The following ELMOD3 variants were observed in gnomAD, a reference collection of about 807,000 sequenced individuals.
ELMOD3 encodes ELMO domain-containing protein 3.
A neutral mutation model predicts 47.4 loss-of-function variants in ELMOD3; 36 were observed. That is an observed-to-expected ratio of 0.76 (90% CI 0.58 to 1.00). ELMOD3 has a LOEUF of 1.00. ELMOD3 is among the 50% of genes least tolerant of loss of function. The probability of loss-of-function intolerance (pLI) is 0.00; values close to 1 mark genes in which losing one functional copy is unlikely to be tolerated. For missense variants in ELMOD3, 404 were observed against 463.8 expected, an observed-to-expected ratio of 0.87 and a Z score of 1.18; for synonymous variants, 149 against 183.5, an observed-to-expected ratio of 0.81 and a Z score of 1.52.
chr2:85,384,599 A>AT (rs1412829637), intron 11 of ELMOD3, among the ~76,000 whole-genome samples: 1 of 151,892 alleles, frequency 6.6e-6, no homozygotes, highest in Non-Finnish European at 1.5e-5. Context: ...TTTTATTTTT[A>AT]TTTTTTAAAA....
chr2:85,366,478 C>T (rs993181270), intron 6 of ELMOD3, among the ~76,000 whole-genome samples: 4 of 152,202 alleles, frequency 2.6e-5, no homozygotes, highest in African/African-American at 9.7e-5. Context: ...ACCCATCTCA[C>T]CCGCTGCCTC....
chr2:85,379,608 T>C (rs1041836856), intron 11 of ELMOD3, among the ~76,000 whole-genome samples: 7 of 152,228 alleles, frequency 4.6e-5, no homozygotes, highest in African/African-American at 1.4e-4. Flanking sequence ...TAGGATCTAA[T>C]GACAGGTGTA....
chr2:85,358,237 C>T (rs1396828895), intron 4 of ELMOD3, among the ~76,000 whole-genome samples: 1 of 149,294 alleles, frequency 6.7e-6, no homozygotes, highest in African/African-American at 2.5e-5. Context: ...TGGGATCACA[C>T]CATTGCACTC....
chr2:85,358,302 A>T (rs900532524), intron 4 of ELMOD3, among the ~76,000 whole-genome samples: 11 of 150,944 alleles, frequency 7.3e-5, no homozygotes, highest in African/African-American at 2.7e-4. Flanking sequence ...AAAAAAAATG[A>T]AAAAAGAAAT....
chr2:85,377,960 T>C (rs979299806), intron 11 of ELMOD3, among the ~76,000 whole-genome samples: 1 of 152,178 alleles, frequency 6.6e-6, no homozygotes, highest in African/African-American at 2.4e-5. Context: ...TAGAACTTTT[T>C]AAAAGAAGCA....
chr2:85,377,666 T>C (rs961367279), intron 11 of ELMOD3, among the ~76,000 whole-genome samples, 192 bp downstream of exon 11: 2 of 152,242 alleles, frequency 1.3e-5, no homozygotes, highest in African/African-American at 2.4e-5. Flanking sequence ...CCTCAGAGCC[T>C]TGATTCCCTC....
intron 6 of ELMOD3, chr2:85,367,561 A>T (rs1278483202): frequency 6.6e-6 from 1 of 152,202 alleles, no homozygotes; most frequent in Non-Finnish European, 1.5e-5. Context: ...GGAAACGAAA[A>T]ATTTAAGTCA....
At position 85,359,403 on chromosome 2, in the gene ELMOD3, C is replaced by CTCTTTT. The variant is rs1683784064; in HGVS notation, c.54+2153_54+2158dup. Among the ~76,000 whole-genome samples, 6 of 123,268 alleles carry CTCTTTT rather than the reference C, an allele frequency of 4.9e-5. No individual in the cohort carries two copies. In the South Asian group the frequency reaches 1.5e-3, roughly 31 times the overall value. 80.9% of individuals were successfully genotyped at this position (123,268 alleles called of 152,430 possible). A position where few individuals can be genotyped will look rare whatever the true frequency, so the allele number is the denominator to read the frequency against. On this transcript the variant is annotated intron_variant, in intron 4 of 13. Transcript: ENST00000409013. ...AATGAAACACAGTAGTTTTACATGA[C>CTCTTTT]TCTTTTTTTTTTTTTTTTTTTTGAG...
intron 10 of ELMOD3, among the ~76,000 whole-genome samples, chr2:85,374,151 C>T (rs1336067633): frequency 6.6e-6 from 1 of 152,004 alleles, no homozygotes; most frequent in African/African-American, 2.4e-5. Flanking sequence ...AATCCACTGT[C>T]ATTTGAATGA....
At chr2:85,357,644 G>A (rs57035326) in intron 4 of ELMOD3, 4,061 of 155,958 alleles carry the variant, frequency 0.026, 177 homozygotes, top group African/African-American at 0.093. Flanking sequence ...AACCCTACAT[G>A]CCTTACCTTT....
chr2:85,363,040 G>A, intron 5 of ELMOD3, 57 bp from the exon 6 acceptor site: 1 of 1,078,798 alleles, frequency 9.3e-7, no homozygotes, highest in East Asian at 2.4e-5. Flanking sequence ...GGAAGCGTTT[G>A]TGTATATGGG....
chr2:85,389,401 A>G (rs1686159062), intron 11 of ELMOD3: 3 of 312,048 alleles, frequency 9.6e-6, no homozygotes, highest in South Asian at 8.3e-5. Context: ...ACACCAGGAG[A>G]TGATGTGGGC....
chr2:85,362,192 AG>A lies in ELMOD3; in HGVS notation c.62del (p.Arg21AsnfsTer27). 1 of 1,591,698 alleles carries A rather than the reference AG, an allele frequency of 6.3e-7. No individual in the cohort carries two copies. Among genetic ancestry groups the A allele is most frequent in the Non-Finnish European group, 8.6e-7 (1 of 1,159,520 alleles). On this transcript the variant is annotated frameshift_variant, in exon 5 of 14. Transcript: ENST00000409013. LOFTEE classifies it high-confidence loss of function. ...ACCCTTGTCTGTTTTACAGGGTGAAAGATTGTCTGCTGGATATTCTCCATCA... is the reference window on the plus strand; with the variant it reads ...ACCCTTGTCTGTTTTACAGGGTGAAAATTGTCTGCTGGATATTCTCCATCA... ...KEELRDGQGE[R>X]LSAGYSPSYD... is the part of the protein sequence containing the mutation.
Position 85,367,862 on chromosome 2 carries a change from G to A in ELMOD3, c.200-824G>A, listed in dbSNP as rs146507797. 8.0e-3 allele frequency among the ~76,000 whole-genome samples: 1,213 copies of A among 152,146 alleles called. 7 individuals carry two copies. Among genetic ancestry groups the A allele is most frequent in the Non-Finnish European group, 0.013 (915 of 67,982 alleles). ...GAGTATGGGTTTTATCTTGAGGACT[G>A]TGGAGAATCCCTGGAGGGTTTTGAG... is the stretch of plus-strand genomic sequence containing the variant. On this transcript the variant is annotated intron_variant, in intron 6 of 13. Coordinates refer to ENST00000409013, the MANE Select transcript of ELMOD3 (RefSeq NM_001135022.2).
intron 11 of ELMOD3, among the ~76,000 whole-genome samples, chr2:85,384,222 T>C (rs1216434973): frequency 6.6e-6 from 1 of 152,250 alleles, no homozygotes; most frequent in Non-Finnish European, 1.5e-5. Flanking sequence ...AGCTTGACAT[T>C]TCCCTTTAGC....
intron 6 of ELMOD3, 86 bp downstream of exon 6, chr2:85,363,252 TCTCA>T (rs2104517978): frequency 1.3e-6 from 1 of 754,918 alleles, no homozygotes; most frequent in East Asian, 2.5e-5. Context: ...TTTGAATTTC[TCTCA>T]CTCCTTGTCT....
intron 11 of ELMOD3, among the ~76,000 whole-genome samples, chr2:85,386,669 G>A (rs1685952168): frequency 6.6e-6 from 1 of 151,956 alleles, no homozygotes; most frequent in African/African-American, 2.4e-5. Context: ...ACAGGAGTGA[G>A]CCACCATGCC....
At chr2:85,375,930 T>C (rs1685140520) in intron 10 of ELMOD3, among the ~76,000 whole-genome samples, 1 of 152,214 alleles carries the variant, frequency 6.6e-6, no homozygotes, top group Admixed American at 6.5e-5. Context: ...TTTCTCTGGC[T>C]CTGGGCTTCC....
Position 85,377,489 on chromosome 2 carries a change from G to C in ELMOD3, c.738+15G>C. 6.2e-7 allele frequency: 1 copy of C among 1,600,246 alleles called. No homozygotes were observed. Among genetic ancestry groups the C allele is most frequent in the Non-Finnish European group, 8.5e-7 (1 of 1,173,252 alleles). ...ACCACATCCAGGTGAGACTTTGGTG[G>C]GAAGCCAGAGGAAAGGAAAGGGCCG... On this transcript the variant is annotated intron_variant, in intron 11 of 13. Coordinates refer to ENST00000409013, the MANE Select transcript of ELMOD3 (RefSeq NM_001135022.2).
Sources: allele counts gnomAD v4.1 joint callset (sites outside exome capture counted in the v4.1 genomes callset), GRCh38; gene constraint gnomAD v4.1.1; transcripts MANE v1.5; gene names NCBI Gene and HGNC (gene_info 2026-07-23, HGNC 2026-07-21).